The following ARMH4 variants were observed in gnomAD, a reference collection of about 807,000 sequenced individuals.
ARMH4 encodes the protein armadillo-like helical domain-containing protein 4.
In ARMH4, 49 loss-of-function variants were observed where a neutral mutation model predicts 61.9. That is an observed-to-expected ratio of 0.79 (90% CI 0.63 to 1.00). The LOEUF is 1.00. ARMH4 is among the 50% of genes least tolerant of loss of function. ARMH4 has a pLI of 0.00. For missense variants in ARMH4, 934 were observed against 930.0 expected, an observed-to-expected ratio of 1.00 and a Z score of -0.06; for synonymous variants, 368 against 341.5, an observed-to-expected ratio of 1.08 and a Z score of -0.85.
intron 5 of ARMH4, among the ~76,000 whole-genome samples, chr14:58,046,503 C>T (rs951246501): frequency 6.6e-5 from 10 of 152,196 alleles, no homozygotes; most frequent in Admixed American, 1.3e-4. Context: ...GATGAAGACA[C>T]GGAATCCTAA....
chr14:58,031,617 C>A (rs1883234678), intron 5 of ARMH4, among the ~76,000 whole-genome samples: 1 of 152,118 alleles, frequency 6.6e-6, no homozygotes, highest in Non-Finnish European at 1.5e-5. Context: ...GAACTTGCAA[C>A]AGACTTCGGC....
intron 3 of ARMH4, among the ~76,000 whole-genome samples, chr14:58,132,782 T>C (rs974590626): frequency 1.3e-5 from 2 of 151,960 alleles, no homozygotes; most frequent in Non-Finnish European, 2.9e-5. Flanking sequence ...AGACGGGGTT[T>C]CACCACGTTG....
chr14:58,106,424 G>A (rs1487438315), intron 4 of ARMH4, among the ~76,000 whole-genome samples: 1 of 152,244 alleles, frequency 6.6e-6, no homozygotes, highest in Non-Finnish European at 1.5e-5. Flanking sequence ...TGTGCTTGAG[G>A]TGAACTGAAA....
intron 2 of ARMH4, 82 bp from the exon 3 acceptor site, chr14:58,133,423 G>C (rs1278324472): frequency 3.3e-5 from 44 of 1,343,264 alleles, no homozygotes; most frequent in Non-Finnish European, 3.7e-5. Flanking sequence ...TTAAAAACTT[G>C]GGGGGAGGGG....
chr14:58,141,340 G>A (rs552088006), intron 1 of ARMH4: 157 of 488,382 alleles, frequency 3.2e-4, no homozygotes, highest in African/African-American at 2.8e-3. Flanking sequence ...CAAGCCCACC[G>A]ACACCATTTA....
At chr14:58,032,599 G>A (rs1053562340) in intron 5 of ARMH4, among the ~76,000 whole-genome samples, 8 of 152,308 alleles carry the variant, frequency 5.3e-5, no homozygotes, top group Admixed American at 3.3e-4. Context: ...CAGCGTGAGC[G>A]ACGCAGAAGA....
chr14:58,045,295 A>T (rs183840062), intron 5 of ARMH4, among the ~76,000 whole-genome samples: 1 of 152,324 alleles, frequency 6.6e-6, no homozygotes, highest in South Asian at 2.1e-4. Context: ...AAAAATGATG[A>T]GTTCATGTGC....
At chr14:58,048,911 C>T (rs1410975673) in intron 5 of ARMH4, among the ~76,000 whole-genome samples, 1 of 152,034 alleles carries the variant, frequency 6.6e-6, no homozygotes, top group Non-Finnish European at 1.5e-5. Flanking sequence ...TACATTAAGC[C>T]TCACTGATGA....
At chr14:58,033,957 G>A (rs1883366242) in intron 5 of ARMH4, among the ~76,000 whole-genome samples, 1 of 72,586 alleles carries the variant, frequency 1.4e-5, no homozygotes, top group Admixed American at 1.4e-4. Flanking sequence ...GTGGAGAATG[G>A]AACCAAGTTG....
intron 5 of ARMH4, among the ~76,000 whole-genome samples, chr14:58,083,012 G>A (rs946957830): frequency 1.2e-4 from 19 of 152,248 alleles, no homozygotes; most frequent in African/African-American, 4.6e-4. Context: ...CCTGCCTCCT[G>A]GCTAGCTGCA....
At chr14:58,136,431 T>C (rs1887302943) in intron 2 of ARMH4, among the ~76,000 whole-genome samples, 1 of 152,200 alleles carries the variant, frequency 6.6e-6, no homozygotes, top group Non-Finnish European at 1.5e-5. Flanking sequence ...TTCATGGCCA[T>C]GTGCACCCAA....
intron 5 of ARMH4, among the ~76,000 whole-genome samples, chr14:58,093,465 T>C (rs1027430880): frequency 1.3e-5 from 2 of 152,222 alleles, no homozygotes; most frequent in African/African-American, 4.8e-5. Flanking sequence ...GCACTGGGAT[T>C]ACAGGTGTGA....
In ARMH4 at chr14:58,003,791, C is replaced by T. The variant is rs1326110128; in HGVS notation, c.*945G>A. ...CATATAAGGACCAATGGTAGCCCAC[C>T]TTTTCCATGGTGGAGTCCACAGATG... On this transcript the variant is annotated 3_prime_UTR_variant, in exon 8 of 8. Transcript: ENST00000267485. The T allele has an allele frequency of 6.6e-6, 1 of 152,178 alleles. No homozygotes were observed. The highest frequency in any genetic ancestry group is 2.4e-5 in the African/African-American group (1 of 41,454). The allele number at this position is 152,178 out of a possible 1,614,324, so 9.4% of individuals were successfully genotyped here. A position where few individuals can be genotyped will look rare whatever the true frequency, so the allele number is the denominator to read the frequency against.
intron 4 of ARMH4, among the ~76,000 whole-genome samples, chr14:58,111,540 G>A (rs1268079099): frequency 1.3e-5 from 2 of 152,212 alleles, no homozygotes; most frequent in East Asian, 1.9e-4. Flanking sequence ...TTGGAGGTTA[G>A]AAGTCCAAGA....
At chr14:58,132,986 C>T (rs1022026567) in intron 3 of ARMH4, 104 bp downstream of exon 3, 19 of 1,247,806 alleles carry the variant, frequency 1.5e-5, no homozygotes, top group Middle Eastern at 1.9e-4. Context: ...TGCACGCACG[C>T]GCGCGCTGAT....
intron 5 of ARMH4, among the ~76,000 whole-genome samples, chr14:58,025,359 T>A (rs755471015): frequency 3.3e-5 from 5 of 152,174 alleles, no homozygotes; most frequent in Non-Finnish European, 7.4e-5. Context: ...TTCCTTAGGT[T>A]CCCATTGAAT....
intron 2 of ARMH4, among the ~76,000 whole-genome samples, chr14:58,134,956 C>CAAAA (rs199939980): frequency 2.7e-5 from 2 of 73,864 alleles, no homozygotes; most frequent in African/African-American, 8.4e-5. Flanking sequence ...GACTCTGTCT[C>CAAAA]AAAAAAAAAA....
rs998631868 is a variant in ARMH4, at chr14:58,001,718, C to A, written c.*3018G>T. On this transcript the variant is annotated 3_prime_UTR_variant, in exon 8 of 8. Coordinates refer to ENST00000267485, the MANE Select transcript of ARMH4 (RefSeq NM_001001872.4). ...TCCCAAGCTTGCTGGGGCATGAATA[C>A]CCCAAGCTCCTTCCCTGGAGATTCT... 6.6e-6 allele frequency: 1 copy of A among 152,144 alleles called. No homozygotes were observed. The highest frequency in any genetic ancestry group is 2.4e-5 in the African/African-American group (1 of 41,438). The allele number at this position is 152,144 out of a possible 1,614,324, so 9.4% of individuals were successfully genotyped here. A position where few individuals can be genotyped will look rare whatever the true frequency, so the allele number is the denominator to read the frequency against.
At chr14:58,136,632 T>G (rs560359964) in intron 2 of ARMH4, among the ~76,000 whole-genome samples, 1 of 152,338 alleles carries the variant, frequency 6.6e-6, no homozygotes, top group African/African-American at 2.4e-5. Context: ...ATTTGATATT[T>G]TCTATTAATT....
Sources: gnomAD v4.1 joint callset for allele counts (sites outside exome capture counted in the v4.1 genomes callset) on GRCh38, gnomAD v4.1.1 for gene constraint, MANE v1.5 for transcripts, NCBI Gene and HGNC (gene_info 2026-07-23, HGNC 2026-07-21) for gene names.